The following POLK variants were observed in gnomAD, a reference collection of about 807,000 sequenced individuals.
POLK encodes the protein polymerase (DNA directed) kappa.
A neutral mutation model predicts 94.0 loss-of-function variants in POLK; 76 were observed. That is an observed-to-expected ratio of 0.81 (90% CI 0.67 to 0.98). POLK has a LOEUF of 0.98. Among genes scored for constraint, POLK ranks in the 50% least tolerant of loss-of-function variants. The pLI, the probability that POLK is intolerant of heterozygous loss-of-function variation, is 0.00. For synonymous variants in POLK, 349 were observed against 325.4 expected (o/e 1.07, Z -0.78); for missense variants, 954 against 1,010.1 (o/e 0.94, Z 0.75).
Position 75,597,607 on chromosome 5 carries a change from G to T in POLK, c.2486-140G>T, listed in dbSNP as rs1026278704. The T allele has an allele frequency of 5.4e-5, 24 of 447,034 alleles. No homozygotes were observed. The East Asian group carries it at 8.4e-4, about 16-fold the overall frequency. The allele number at this position is 447,034 out of a possible 1,614,324, so 27.7% of individuals were successfully genotyped here. On this transcript the variant is annotated intron_variant, in intron 13 of 14. Transcript: ENST00000241436. ...ATTAGTAAATTACAAAGAAATTATAGTTTTTGGTGTGTTTACATATGAACT... is the reference window on the plus strand; with the variant it reads ...ATTAGTAAATTACAAAGAAATTATATTTTTTGGTGTGTTTACATATGAACT...
At chr5:75,557,070 G>GA (rs1414588542) in intron 3 of POLK, among the ~76,000 whole-genome samples, 1 of 151,248 alleles carries the variant, frequency 6.6e-6, no homozygotes, top group South Asian at 2.1e-4. Flanking sequence ...CTCAAGAAAA[G>GA]AAAAAAAAGA....
At chr5:75,544,517 C>T (rs1389293248) in intron 1 of POLK, among the ~76,000 whole-genome samples, 3 of 152,122 alleles carry the variant, frequency 2.0e-5, no homozygotes, top group Non-Finnish European at 4.4e-5. Context: ...TGGTGTGCAC[C>T]TGTAGTTCAA....
At chr5:75,537,111 G>C (rs1481631171) in intron 1 of POLK, among the ~76,000 whole-genome samples, 1 of 152,252 alleles carries the variant, frequency 6.6e-6, no homozygotes, top group Non-Finnish European at 1.5e-5. Flanking sequence ...GCAAGGAGTA[G>C]TGGAGAAATC....
chr5:75,569,936 A>G (rs560856045), intron 4 of POLK, among the ~76,000 whole-genome samples: 4 of 152,262 alleles, frequency 2.6e-5, no homozygotes, highest in African/African-American at 7.2e-5. Flanking sequence ...ACTGTCTCCC[A>G]TCACCCCCAG....
At chr5:75,597,505 A>G (rs1773154713) in intron 13 of POLK, 2 of 410,868 alleles carry the variant, frequency 4.9e-6, no homozygotes, top group South Asian at 7.1e-5. Flanking sequence ...ATAACTAGAA[A>G]GCCTCTTTAA....
chr5:75,567,003 G>A (rs1561379549), intron 3 of POLK, among the ~76,000 whole-genome samples: 3 of 152,160 alleles, frequency 2.0e-5, no homozygotes. Context: ...GGTTGATGTA[G>A]AAAGAAAAGA....
At chr5:75,605,886 G>A (rs1473546045), downstream of POLK, among the ~76,000 whole-genome samples, 1 of 151,414 alleles carries the variant, frequency 6.6e-6, no homozygotes, top group Admixed American at 6.6e-5. Context: ...AAGGTGGGAC[G>A]AGAGATTTGG....
chr5:75,515,335 A>G (rs767769504), intron 1 of POLK, among the ~76,000 whole-genome samples: 3 of 152,244 alleles, frequency 2.0e-5, no homozygotes, highest in Non-Finnish European at 2.9e-5. Flanking sequence ...AAAAATAAAA[A>G]CATAGCAAAC....
intron 1 of POLK, among the ~76,000 whole-genome samples, chr5:75,525,833 G>A (rs1768813596): frequency 1.3e-5 from 2 of 152,162 alleles, no homozygotes; most frequent in Non-Finnish European, 2.9e-5. Flanking sequence ...GGCATCTTAG[G>A]TGTAGTTGTG....
chr5:75,525,472 A>G (rs1421501665), intron 1 of POLK, among the ~76,000 whole-genome samples: 3 of 152,268 alleles, frequency 2.0e-5, no homozygotes, highest in South Asian at 2.1e-4. Flanking sequence ...AACCAATATG[A>G]AGAAGAGTAA....
chr5:75,587,197 C>A, intron 10 of POLK, 139 bp downstream of exon 10: 1 of 534,588 alleles, frequency 1.9e-6, no homozygotes, highest in Non-Finnish European at 3.3e-6. Context: ...GTTTACACTC[C>A]CTGCAATAAA....
rs1561371144 is a variant in POLK, at chr5:75,559,505, G to GTTTTTTTT, written c.255+6921_255+6922insTTTTTTTT. Among the ~76,000 whole-genome samples, 83 of 70,090 alleles carry GTTTTTTTT rather than the reference G, an allele frequency of 1.2e-3. 6 individuals carry two copies. Among genetic ancestry groups the GTTTTTTTT allele is most frequent in the South Asian group, 2.9e-3 (5 of 1,722 alleles). The allele number at this position is 70,090 out of a possible 152,430, so 46.0% of individuals were successfully genotyped here. ...TTGGCAATTTATTGATTTGGGGTTT[G>GTTTTTTTT]TTTTTTTGTTTTGTTTTGTTTTTTT... On this transcript the variant is annotated intron_variant, in intron 3 of 14. Coordinates refer to ENST00000241436, the Ensembl canonical transcript of POLK.
chr5:75,539,215 A>G (rs191621790), intron 1 of POLK, among the ~76,000 whole-genome samples: 1 of 150,958 alleles, frequency 6.6e-6, no homozygotes, highest in African/African-American at 2.4e-5. Flanking sequence ...TTTCTAAATC[A>G]TTTTGGCTTA....
At chr5:75,510,963 C>A, upstream of POLK, 1 of 1,135,696 alleles carries the variant, frequency 8.8e-7, no homozygotes, top group Non-Finnish European at 1.2e-6. Context: ...CCCCTATATC[C>A]CCGCCTCATC....
At chr5:75,591,787 A>G (rs919274342) in intron 11 of POLK, among the ~76,000 whole-genome samples, 2 of 152,146 alleles carry the variant, frequency 1.3e-5, no homozygotes, top group Admixed American at 6.5e-5. Flanking sequence ...ATGTCGCCCA[A>G]TTTGGGTTTG....
intron 3 of POLK, 79 bp downstream of exon 3, chr5:75,552,670 T>G: frequency 7.8e-7 from 1 of 1,289,814 alleles, no homozygotes; most frequent in Non-Finnish European, 1.1e-6. Context: ...AAGTCATAAC[T>G]GAAAACAAGA....
intron 1 of POLK, among the ~76,000 whole-genome samples, chr5:75,530,979 G>C (rs1228014794): frequency 6.6e-6 from 1 of 151,376 alleles, no homozygotes; most frequent in African/African-American, 2.4e-5. Flanking sequence ...CTAATTTTTT[G>C]TATTTTTTTA....
chr5:75,581,254 C>G, exon 7 of POLK: 4 of 1,605,572 alleles, frequency 2.5e-6, no homozygotes, highest in Non-Finnish European at 3.4e-6. Context: ...CATGAACGAT[C>G]CATCTCTCCA....
intron 14 of POLK, 69 bp downstream of exon 14, chr5:75,597,858 A>G (rs1447307067): frequency 1.1e-5 from 13 of 1,148,648 alleles, no homozygotes; most frequent in Non-Finnish European, 1.6e-5. Context: ...TAAATTATTA[A>G]GTAATCAATA....
Sources: allele counts gnomAD v4.1 joint callset (sites outside exome capture counted in the v4.1 genomes callset), GRCh38; gene constraint gnomAD v4.1.1; transcripts MANE v1.5; gene names NCBI Gene and HGNC (gene_info 2026-07-23, HGNC 2026-07-21).